Variants in LMO3 observed in about 807,000 individuals in gnomAD.
LMO3 encodes the protein LIM domain only protein 3.
A neutral mutation model predicts 15.8 loss-of-function variants in LMO3; 2 were observed. The observed-to-expected ratio is 0.13, with a 90% CI of 0.05 to 0.40. The LOEUF is 0.40. LMO3 is among the 10% of genes least tolerant of loss of function. LMO3 has a pLI of 0.99. For missense variants in LMO3, 86 were observed against 182.2 expected, an observed-to-expected ratio of 0.47 and a Z score of 3.04; for synonymous variants, 62 against 63.8, an observed-to-expected ratio of 0.97 and a Z score of 0.13.
At chr12:16,605,436 G>GCCCCCCCCCCCCCCCCCCC (rs56405071) in intron 1 of LMO3, 12 of 372,612 alleles carry the variant, frequency 3.2e-5, no homozygotes, top group Admixed American at 1.3e-4. Flanking sequence ...CTACCCGCCT[G>GCCCCCCCCCCCCCCCCCCC]CCCCCCCCCC....
At chr12:16,605,143 C>T in intron 1 of LMO3, 2 of 1,394,364 alleles carry the variant, frequency 1.4e-6, no homozygotes, top group Non-Finnish European at 1.9e-6. Context: ...AAAATGATGG[C>T]GAATGACAAA....
chr12:16,594,222 G>T, intron 2 of LMO3: 1 of 1,532,062 alleles, frequency 6.5e-7, no homozygotes, highest in South Asian at 1.2e-5. Context: ...ATCTCTGTAT[G>T]TGCAGCATGT....
intron 2 of LMO3, among the ~76,000 whole-genome samples, chr12:16,564,414 T>A (rs1282466859): frequency 6.6e-6 from 1 of 152,212 alleles, no homozygotes; most frequent in Non-Finnish European, 1.5e-5. Context: ...GCAAGCAAAC[T>A]CTTTATGGTT....
chr12:16,569,273 GT>G (rs1168115551), intron 2 of LMO3, among the ~76,000 whole-genome samples: 2 of 152,134 alleles, frequency 1.3e-5, no homozygotes, highest in Non-Finnish European at 1.5e-5. Flanking sequence ...ATCCAAATTT[GT>G]TTTTCCTTCT....
chr12:16,569,056 C>A (rs142823093), intron 2 of LMO3, among the ~76,000 whole-genome samples: 70 of 152,268 alleles, frequency 4.6e-4, no homozygotes, highest in African/African-American at 1.5e-3. Flanking sequence ...CAGTTTCAGG[C>A]TTACTCAGTG....
In LMO3 at chr12:16,587,794, G is replaced by A. The variant is rs1437345418; in HGVS notation, c.206+12861C>T. ...CATTTATCTGTCTAAAAATCTCACT[G>A]TGTCCTGAATGGGGGGTTTCAGGGG... On this transcript the variant is annotated intron_variant, in intron 2 of 3. Transcript: ENST00000537304. The surrounding 1 kb of genome is among the most constrained non-coding windows in gnomAD (Gnocchi z 4.3). 6.6e-6 allele frequency among the ~76,000 whole-genome samples: 1 copy of A among 152,024 alleles called. No homozygotes were observed. The highest frequency in any genetic ancestry group is 1.5e-5 in the Non-Finnish European group (1 of 68,006).
chr12:16,566,035 TATATAA>T (rs1565488381), intron 2 of LMO3, among the ~76,000 whole-genome samples: 2 of 85,754 alleles, frequency 2.3e-5, no homozygotes, highest in African/African-American at 9.0e-5. Context: ...TATATATATA[TATATAA>T]AATGGAGTAC....
intron 2 of LMO3, among the ~76,000 whole-genome samples, chr12:16,562,113 T>A (rs1942429362): frequency 6.6e-6 from 1 of 152,202 alleles, no homozygotes. Flanking sequence ...TGTAATATCT[T>A]AATTTCCTAC....
chr12:16,563,404 G>C (rs1021964248), intron 2 of LMO3, among the ~76,000 whole-genome samples: 3 of 151,972 alleles, frequency 2.0e-5, no homozygotes, highest in Non-Finnish European at 4.4e-5. Flanking sequence ...GTTATCCTTT[G>C]GTTTCCAAAC....
chr12:16,554,998 G>A (rs1027471168), intron 3 of LMO3, among the ~76,000 whole-genome samples: 2 of 152,134 alleles, frequency 1.3e-5, no homozygotes, highest in Non-Finnish European at 2.9e-5. Context: ...TCTTCTAACT[G>A]TAATCTTGGG....
At chr12:16,567,277 G>C (rs1026825095) in intron 2 of LMO3, 2 of 159,486 alleles carry the variant, frequency 1.3e-5, no homozygotes, top group Non-Finnish European at 2.7e-5. Context: ...ATGGTATTGA[G>C]AGAAAGCTGA....
At chr12:16,583,639 T>TA (rs1467422346) in intron 2 of LMO3, among the ~76,000 whole-genome samples, 1 of 152,192 alleles carries the variant, frequency 6.6e-6, no homozygotes, top group Non-Finnish European at 1.5e-5. Context: ...TCAAACCTGA[T>TA]AAAAAACATC....
At chr12:16,580,247 C>G (rs1381078605) in intron 2 of LMO3, among the ~76,000 whole-genome samples, 4 of 152,172 alleles carry the variant, frequency 2.6e-5, no homozygotes, top group Non-Finnish European at 4.4e-5. Context: ...ACTACAGGTG[C>G]ATGCCACTGC....
chr12:16,586,931 C>G lies in LMO3; in HGVS notation c.206+13724G>C, dbSNP rs1335522935. Among the ~76,000 whole-genome samples the G allele has an allele frequency of 6.6e-6, 1 of 152,174 alleles. No individual in the cohort carries two copies. Among genetic ancestry groups the G allele is most frequent in the Non-Finnish European group, 1.5e-5 (1 of 68,030 alleles). The stretch of plus-strand genomic sequence containing the variant: ...GAATTCTCCCCTCTAATAATAGAGT[C>G]ATGTGATAGCTTAAAAACACATGCT... On this transcript the variant is annotated intron_variant, in intron 2 of 3. Coordinates refer to ENST00000537304, the MANE Select transcript of LMO3 (RefSeq NM_018640.5). This position sits in a 1 kb window ranked among gnomAD's most constrained non-coding sequence, Gnocchi z 4.3.
chr12:16,594,221 T>C (rs562365087), intron 2 of LMO3: 3 of 1,532,370 alleles, frequency 2.0e-6, no homozygotes, highest in Middle Eastern at 1.7e-4. Context: ...AATCTCTGTA[T>C]GTGCAGCATG....
Position 16,548,724 on chromosome 12 carries a change from G to A in LMO3, c.*2498C>T, listed in dbSNP as rs1302707603. On this transcript the variant is annotated 3_prime_UTR_variant, in exon 4 of 4. Transcript: ENST00000537304. This position sits in a 1 kb window ranked among gnomAD's most constrained non-coding sequence, Gnocchi z 4.2. The stretch of plus-strand genomic sequence containing the variant: ...TCAAGACAATTAGCTTAGTACTTCA[G>A]GTCAATAAATGCTACAATTTATGGG... 1.3e-5 allele frequency: 2 copies of A among 152,088 alleles called. No individual in the cohort carries two copies. The highest frequency in any genetic ancestry group is 1.9e-4 in the East Asian group (1 of 5,192). The allele number at this position is 152,088 out of a possible 1,614,324, so 9.4% of individuals were successfully genotyped here. A position where few individuals can be genotyped will look rare whatever the true frequency, so the allele number is the denominator to read the frequency against.
intron 3 of LMO3, among the ~76,000 whole-genome samples, chr12:16,557,178 T>G (rs1324183486): frequency 1.3e-5 from 2 of 152,098 alleles, no homozygotes; most frequent in Non-Finnish European, 2.9e-5. Flanking sequence ...GTTTAGCACT[T>G]GAATGTTTTT....
chr12:16,576,324 C>T lies in LMO3; in HGVS notation c.207-15786G>A, dbSNP rs1222176536. On this transcript the variant is annotated intron_variant, in intron 2 of 3. Coordinates refer to ENST00000537304, the MANE Select transcript of LMO3 (RefSeq NM_018640.5). The surrounding 1 kb of genome is among the most constrained non-coding windows in gnomAD (Gnocchi z 4.1). ...TGTCTTCTATCCCATCACTGAGCCTCAGCCCCAATGTGCTGTCTACTCCCT... is the reference window on the plus strand; with the variant it reads ...TGTCTTCTATCCCATCACTGAGCCTTAGCCCCAATGTGCTGTCTACTCCCT... Among the ~76,000 whole-genome samples, 1 of 152,200 alleles carries T rather than the reference C, an allele frequency of 6.6e-6. No individual in the cohort carries two copies. The highest frequency in any genetic ancestry group is 1.5e-5 in the Non-Finnish European group (1 of 68,028).
chr12:16,564,758 A>G (rs1942531475), intron 2 of LMO3, among the ~76,000 whole-genome samples: 2 of 152,204 alleles, frequency 1.3e-5, no homozygotes, highest in African/African-American at 2.4e-5. Context: ...TAGTCAAGCA[A>G]TCCTCATTTA....
Sources: gnomAD v4.1 joint callset for allele counts (sites outside exome capture counted in the v4.1 genomes callset) on GRCh38, gnomAD v4.1.1 for gene constraint, Gnocchi (gnomAD v3.1) non-coding constraint, MANE v1.5 for transcripts, NCBI Gene and HGNC (gene_info 2026-07-23, HGNC 2026-07-21) for gene names.